Variants in DIABLO observed in about 807,000 individuals in gnomAD.
DIABLO encodes diablo homolog, mitochondrial.
A neutral mutation model predicts 31.7 loss-of-function variants in DIABLO; 32 were observed. The ratio of observed to expected loss-of-function variants is 1.01; its 90% CI spans 0.76 to 1.35. The LOEUF (loss-of-function observed/expected upper bound fraction) is 1.35. Ranked by LOEUF, DIABLO falls within the 40% of genes most tolerant of loss-of-function variation. DIABLO has a pLI of 0.00. For synonymous variants in DIABLO, 132 were observed against 103.2 expected (o/e 1.28, Z -1.69); for missense variants, 316 against 286.4 (o/e 1.10, Z -0.75).
At chr12:122,208,815 T>A (rs1593165659) in intron 5 of DIABLO, 4 of 623,872 alleles carry the variant, frequency 6.4e-6, no homozygotes, top group South Asian at 1.5e-5. Context: ...ACATCACAAT[T>A]ATTAAATGCA....
chr12:122,221,180 T>C (rs1344926183), intron 2 of DIABLO: 5 of 152,112 alleles, frequency 3.3e-5, no homozygotes, highest in African/African-American at 1.2e-4. Context: ...GAGGAGATAG[T>C]TGTTGGACAG....
chr12:122,210,882 TAAAAA>T, intron 5 of DIABLO, among the ~76,000 whole-genome samples: 1 of 149,302 alleles, frequency 6.7e-6, no homozygotes, highest in East Asian at 1.9e-4. Flanking sequence ...CTACTAAAAA[TAAAAA>T]AATTAGCTGG....
chr12:122,226,682 C>G, upstream of DIABLO: 2 of 612,638 alleles, frequency 3.3e-6, no homozygotes, highest in Non-Finnish European at 2.9e-6. Flanking sequence ...GGCCAGGAAG[C>G]CCACAGTGCC....
rs760073847 is a variant in DIABLO at position 122,208,556 on chromosome 12, G to A, written c.545C>T (p.Thr182Ile). Residue 182 changes from threonine (T) to isoleucine (I), a missense_variant, in exon 6 of 6, where the codon ACC (threonine) becomes ATC (isoleucine). Physicochemically the swap from Thr to Ile is moderately conservative, Grantham distance 89. Transcript: ENST00000464942. Reference protein sequence around the residue: ...YQTGADQASITARNHIQLVKL... With the variant: ...YQTGADQASIIARNHIQLVKL... ...CACCAGCTGAATGTGATTCCTGGCG[G>A]TTATAGAGGCCTGATCTGCGCCTGC... The A allele has an allele frequency of 6.2e-7, 1 of 1,613,504 alleles. No homozygotes were observed. The highest frequency in any genetic ancestry group is 8.5e-7 in the Non-Finnish European group (1 of 1,180,032).
intron 5 of DIABLO, among the ~76,000 whole-genome samples, chr12:122,215,036 T>C (rs779310826): frequency 3.3e-5 from 5 of 152,142 alleles, no homozygotes; most frequent in Non-Finnish European, 5.9e-5. Context: ...AGCTATAACT[T>C]TGGTGAGCCG....
chr12:122,226,025 G>T lies in DIABLO; in HGVS notation c.-11C>A. ...CTTCAGAGCCGCCATTGTGCAGCGC[G>T]CGGACGCCAGACGCACACGCCGGAA... On this transcript the variant is annotated 5_prime_UTR_variant, in exon 1 of 6. Coordinates refer to ENST00000464942, the MANE Select transcript of DIABLO (RefSeq NM_001371333.1). 9 of 1,601,312 alleles carry T rather than the reference G, an allele frequency of 5.6e-6. No individual in the cohort carries two copies. Among genetic ancestry groups the T allele is most frequent in the Non-Finnish European group, 7.7e-6 (9 of 1,175,314 alleles).
intron 5 of DIABLO, 36 bp downstream of exon 5, chr12:122,216,452 A>G (rs762870855): frequency 1.6e-5 from 24 of 1,465,768 alleles, no homozygotes; most frequent in Non-Finnish European, 2.1e-5. Context: ...TAGTTAAAAA[A>G]TTAAAAAAAA....
At chr12:122,225,626 TC>T in intron 1 of DIABLO, 1 of 1,269,680 alleles carries the variant, frequency 7.9e-7, no homozygotes, top group Non-Finnish European at 1.0e-6. Flanking sequence ...CTTCCCGGAC[TC>T]CCCCCATGCC....
intron 2 of DIABLO, among the ~76,000 whole-genome samples, chr12:122,223,584 C>T (rs989012822): frequency 1.2e-4 from 18 of 152,186 alleles, no homozygotes; most frequent in African/African-American, 3.1e-4. Flanking sequence ...CGCCTCCAGA[C>T]ACATTAGCTC....
At chr12:122,209,356 CA>C (rs893723674) in intron 5 of DIABLO, among the ~76,000 whole-genome samples, 9 of 127,736 alleles carry the variant, frequency 7.0e-5, no homozygotes, top group Non-Finnish European at 7.7e-5. Context: ...GACTCCGTCT[CA>C]AAAAAAAAAG....
chr12:122,213,276 T>G (rs565595425), intron 5 of DIABLO, among the ~76,000 whole-genome samples: 15 of 152,036 alleles, frequency 9.9e-5, no homozygotes, highest in Non-Finnish European at 2.1e-4. Flanking sequence ...ATGTCTGTAA[T>G]CCCAGCAGTT....
chr12:122,223,449 AAAT>A, intron 2 of DIABLO, among the ~76,000 whole-genome samples: 1 of 151,454 alleles, frequency 6.6e-6, no homozygotes, highest in East Asian at 1.9e-4. Flanking sequence ...AAAAAAAAAA[AAAT>A]ATCTTCTGCG....
At chr12:122,224,151 C>A (rs903543309) in intron 2 of DIABLO, among the ~76,000 whole-genome samples, 5 of 152,170 alleles carry the variant, frequency 3.3e-5, no homozygotes, top group Non-Finnish European at 7.3e-5. Flanking sequence ...TCTTTCATCT[C>A]CACAAAGCTT....
chr12:122,208,686 C>A, intron 5 of DIABLO, 109 bp from the exon 6 acceptor site: 1 of 1,137,470 alleles, frequency 8.8e-7, no homozygotes, highest in Middle Eastern at 1.9e-4. Flanking sequence ...CTCTTGGGGT[C>A]ACTTTCCTTG....
chr12:122,226,801 A>G (rs1443468353), upstream of DIABLO: 1 of 528,734 alleles, frequency 1.9e-6, no homozygotes, highest in Non-Finnish European at 3.3e-6. Flanking sequence ...AGGAGGCAGA[A>G]GCCCGGCTCT....
At chr12:122,224,055 C>T (rs1954391836) in intron 2 of DIABLO, among the ~76,000 whole-genome samples, 1 of 152,174 alleles carries the variant, frequency 6.6e-6, no homozygotes, top group Admixed American at 6.5e-5. Context: ...CCACCTCAGC[C>T]TCCCAAAGCC....
intron 5 of DIABLO, among the ~76,000 whole-genome samples, chr12:122,213,677 A>C (rs1954139572): frequency 6.6e-6 from 1 of 152,084 alleles, no homozygotes; most frequent in Non-Finnish European, 1.5e-5. Flanking sequence ...CTGCACCTAG[A>C]AATCCTCTGC....
rs537390246 is a variant in DIABLO at position 122,208,012 on chromosome 12, G to A, written c.*369C>T. ...GAACAAGTACTAAATCATTTTTGAC[G>A]ACGTAAATAAGACTGAAAACAGGTT... On this transcript the variant is annotated 3_prime_UTR_variant, in exon 6 of 6. Coordinates refer to ENST00000464942, the MANE Select transcript of DIABLO (RefSeq NM_001371333.1). 64 of 490,852 alleles carry A rather than the reference G, an allele frequency of 1.3e-4. No individual in the cohort carries two copies. Among genetic ancestry groups the A allele is most frequent in the South Asian group, 8.2e-4 (53 of 64,786 alleles). The allele number at this position is 490,852 out of a possible 1,614,324, so 30.4% of individuals were successfully genotyped here. A position where few individuals can be genotyped will look rare whatever the true frequency, so the allele number is the denominator to read the frequency against.
At position 122,218,432 on chromosome 12, in the gene DIABLO, A is replaced by G. The variant is rs775021766; in HGVS notation, c.184-35T>C. On this transcript the variant is annotated intron_variant, in intron 2 of 5. Coordinates refer to ENST00000464942, the MANE Select transcript of DIABLO (RefSeq NM_001371333.1). ...ACAAACATTGTCACTCAACCTCTAAAGCTCAAACTGAGAACTTTTTCACCA... is the reference window on the plus strand; with the variant it reads ...ACAAACATTGTCACTCAACCTCTAAGGCTCAAACTGAGAACTTTTTCACCA... The G allele has an allele frequency of 6.2e-6, 10 of 1,613,788 alleles. No individual in the cohort carries two copies. In the South Asian group the frequency reaches 1.1e-4, roughly 18 times the overall value.
Sources: gnomAD v4.1 joint callset for allele counts (sites outside exome capture counted in the v4.1 genomes callset) on GRCh38, gnomAD v4.1.1 for gene constraint, MANE v1.5 for transcripts, NCBI Gene and HGNC (gene_info 2026-07-23, HGNC 2026-07-21) for gene names.